The following NFKBIZ variants were observed in gnomAD, a reference collection of about 807,000 sequenced individuals.
NFKBIZ encodes the protein NFKB inhibitor zeta, also known as NF-kappa-B inhibitor zeta.
A neutral mutation model predicts 76.8 loss-of-function variants in NFKBIZ; 19 were observed. The observed-to-expected ratio is 0.25, with a 90% CI of 0.17 to 0.36. The LOEUF is 0.36. Ranked by LOEUF, NFKBIZ falls within the 10% of genes least tolerant of loss-of-function variation. The pLI is 1.00. For synonymous variants in NFKBIZ, 368 were observed against 354.8 expected (o/e 1.04, Z -0.42); for missense variants, 829 against 910.9 (o/e 0.91, Z 1.16).
At chr3:101,853,928 T>C in intron 5 of NFKBIZ, 65 bp downstream of exon 5, 1 of 1,491,304 alleles carries the variant, frequency 6.7e-7, no homozygotes. Context: ...AGTGAGCATA[T>C]AATTTTTCTA....
intron 1 of NFKBIZ, 60 bp from the exon 2 acceptor site, chr3:101,852,025 T>C: frequency 2.5e-6 from 4 of 1,577,608 alleles, no homozygotes; most frequent in Admixed American, 1.9e-5. Flanking sequence ...TTTGGGATTA[T>C]TAACGTTTAT....
intron 2 of NFKBIZ, among the ~76,000 whole-genome samples, chr3:101,840,019 A>G (rs1265857340): frequency 6.6e-6 from 1 of 151,772 alleles, no homozygotes; most frequent in Non-Finnish European, 1.5e-5. Context: ...AAAAGGAGGG[A>G]GAAAGGGGAG....
chr3:101,850,178 G>C, intron 1 of NFKBIZ: 2 of 387,520 alleles, frequency 5.2e-6, no homozygotes, highest in Non-Finnish European at 4.6e-6. Context: ...TCTGACTGCC[G>C]GGCGAGTGAC....
chr3:101,853,723 G>A lies in NFKBIZ; in HGVS notation c.1197G>A (p.Leu399=). The A allele has an allele frequency of 6.2e-7, 1 of 1,614,204 alleles. No individual in the cohort carries two copies. Among genetic ancestry groups the A allele is most frequent in the African/African-American group, 1.3e-5 (1 of 75,050 alleles). ...CCTCTGACTCTTCAAACACTTCACT[G>A]CCATTCTCAAACATGGGAAATCCAA... The part of the protein sequence containing the change: ...EMASDSSNTS[L]PFSNMGNPMN... Residue 399 remains leucine (L), a synonymous_variant, in exon 5 of 12, where the codon CTG becomes CTA. Coordinates refer to ENST00000326172, the MANE Select transcript of NFKBIZ (RefSeq NM_031419.4).
At position 101,857,145 on chromosome 3, in the gene NFKBIZ, T is replaced by G. The variant is rs1383902063; in HGVS notation, c.1897T>G (p.Leu633Val). ...EANLELIRLF[L>V]ELPSCLSFVN... The stretch of plus-strand genomic sequence containing the variant: ...AAATCTGGAACTCATTCGCCTCTTT[T>G]TGGAGCTGCCCAGTTGCCTGTCTTT... The change falls in exon 10 of 12, where the codon TTG becomes GTG. Residue 633 changes from leucine to valine, a missense_variant. Coordinates refer to ENST00000326172, the MANE Select transcript of NFKBIZ (RefSeq NM_031419.4). The G allele has an allele frequency of 1.9e-6, 3 of 1,614,244 alleles. No individual in the cohort carries two copies. The highest frequency in any genetic ancestry group is 3.3e-4 in the Middle Eastern group (2 of 6,062).
At chr3:101,857,269 A>T (rs1452289536) in intron 10 of NFKBIZ, 23 bp from the exon 11 acceptor site, 1 of 1,613,740 alleles carries the variant, frequency 6.2e-7, no homozygotes, top group Non-Finnish European at 8.5e-7. Context: ...CTGATGTCTG[A>T]TAATTCATTT....
Position 101,853,244 on chromosome 3 carries a change from C to G in NFKBIZ, c.718C>G (p.Leu240Val), listed in dbSNP as rs751822800. The change falls in exon 5 of 12, where the codon CTG becomes GTG. Residue 240 changes from leucine (L) to valine (V), a missense_variant. Physicochemically the swap from Leu to Val is conservative, Grantham distance 32 (BLOSUM62 1). This residue lies in a region of NFKBIZ where 371 missense variants were observed against 332.3 expected (regional missense o/e 1.12). Coordinates refer to ENST00000326172, the MANE Select transcript of NFKBIZ (RefSeq NM_031419.4). ...CCTGAACACAGTTCAAGTTAGCTGGCTGAACCCCGTGGTGGTCCCTCAGAG... is the reference window on the plus strand; with the variant it reads ...CCTGAACACAGTTCAAGTTAGCTGGGTGAACCCCGTGGTGGTCCCTCAGAG... ...VSLNTVQVSWLNPVVVPQSSP... is the reference protein window; with the variant it reads ...VSLNTVQVSWVNPVVVPQSSP... The G allele has an allele frequency of 6.2e-7, 1 of 1,614,148 alleles. No individual in the cohort carries two copies. The highest frequency in any genetic ancestry group is 1.1e-5 in the South Asian group (1 of 91,080).
rs770690936 is a variant in NFKBIZ, at chr3:101,857,253, C to G, written c.1936-39C>G. 38 of 1,612,198 alleles carry G rather than the reference C, an allele frequency of 2.4e-5. 2 individuals carry two copies. In the South Asian group the frequency reaches 3.4e-4, roughly 14 times the overall value. The stretch of plus-strand genomic sequence containing the variant: ...TTTGAGCTCCTTTCATGAAATTTCC[C>G]CCTTCCTGATGTCTGATAATTCATT... On this transcript the variant is annotated intron_variant, in intron 10 of 11. Transcript: ENST00000326172.
chr3:101,854,555 G>A lies in NFKBIZ; in HGVS notation c.1338-23G>A, dbSNP rs771716780. On this transcript the variant is annotated intron_variant, in intron 5 of 11. Transcript: ENST00000326172. ...TAGTGAAATCAGAAGTGATTCACCC[G>A]CTTTCCTTTCCATGTTCCCCAGGTT... 3.0e-5 allele frequency: 43 copies of A among 1,434,218 alleles called. No individual in the cohort carries two copies. The Middle Eastern group carries it at 5.2e-4, about 17-fold the overall frequency. The allele number at this position is 1,434,218 out of a possible 1,614,324, so 88.8% of individuals were successfully genotyped here.
In NFKBIZ at chr3:101,857,154, C is replaced by T. The variant is rs1943061151; in HGVS notation, c.1906C>T (p.Pro636Ser). 1.1e-6 allele frequency: 1 copy of T among 887,874 alleles called. No homozygotes were observed. Among genetic ancestry groups the T allele is most frequent in the Non-Finnish European group, 1.6e-6 (1 of 628,078 alleles). 55.0% of individuals were successfully genotyped at this position (887,874 alleles called of 1,614,324 possible). ...LELIRLFLEL[P>S]SCLSFVNAKA... is the part of the protein sequence containing the mutation. ...ACTCATTCGCCTCTTTTTGGAGCTG[C>T]CCAGTTGCCTGTCTTTTGTGAATGC... The change falls in exon 10 of 12, where the codon CCC (proline) becomes TCC (serine). Residue 636 changes from proline (P) to serine (S), a missense_variant. Physicochemically the swap from Pro to Ser is moderately conservative, Grantham distance 74. Coordinates refer to ENST00000326172, the MANE Select transcript of NFKBIZ (RefSeq NM_031419.4).
At position 101,849,807 on chromosome 3, in the gene NFKBIZ, C is replaced by T. The variant is rs1287787609; in HGVS notation, c.179C>T (p.Pro60Leu). Reference sequence around the variant, plus strand: ...TGCTCGGTCTTGGGCCCCTCGGCGCCCGGCTCGCCCGGCTCCGACTCCTCC... The same window carrying T: ...TGCTCGGTCTTGGGCCCCTCGGCGCTCGGCTCGCCCGGCTCCGACTCCTCC... ...ASCSVLGPSA[P>L]GSPGSDSSDF... is the part of the protein sequence containing the mutation. The change falls in exon 1 of 12, where the codon CCC becomes CTC. Residue 60 changes from proline to leucine, a missense_variant. Physicochemically the swap from Pro to Leu is moderately conservative, Grantham distance 98 (BLOSUM62 -3). Coordinates refer to ENST00000326172, the MANE Select transcript of NFKBIZ (RefSeq NM_031419.4). 1.9e-5 allele frequency: 28 copies of T among 1,470,152 alleles called. No individual in the cohort carries two copies. Among genetic ancestry groups the T allele is most frequent in the Non-Finnish European group, 2.4e-5 (27 of 1,118,294 alleles). The allele number at this position is 1,470,152 out of a possible 1,614,324, so 91.1% of individuals were successfully genotyped here.
chr3:101,853,818 A>C lies in NFKBIZ; in HGVS notation c.1292A>C (p.Asn431Thr), dbSNP rs1038828502. Residue 431 changes from asparagine to threonine, a missense_variant, in exon 5 of 12, where the codon AAT becomes ACT. Around this residue, in one of 4 missense-constraint regions of NFKBIZ, gnomAD observed 272 missense variants for 384.2 expected, o/e 0.71. Transcript: ENST00000326172. ...GAGCAGGAAGAAAGCAAATTGGCAA[A>C]TATTTCCCAAGACCAGTTTCTTTCA... The part of the protein sequence containing the change: ...QVEQEESKLA[N>T]ISQDQFLSKD... 6.2e-7 allele frequency: 1 copy of C among 1,613,514 alleles called. No homozygotes were observed. Among genetic ancestry groups the C allele is most frequent in the Non-Finnish European group, 8.5e-7 (1 of 1,180,030 alleles).
intron 5 of NFKBIZ, 143 bp downstream of exon 5, chr3:101,854,006 C>G (rs1382763290): frequency 1.2e-6 from 1 of 805,986 alleles, no homozygotes; most frequent in South Asian, 1.8e-5. Flanking sequence ...TAGAAACCGC[C>G]ACTCAGTGAT....
chr3:101,850,238 T>C, intron 1 of NFKBIZ: 1 of 281,396 alleles, frequency 3.6e-6, no homozygotes, highest in Non-Finnish European at 6.6e-6. Context: ...TCATAATTAA[T>C]AAACTATGAT....
At chr3:101,844,996 G>A (rs901935511), upstream of NFKBIZ, among the ~76,000 whole-genome samples, 1 of 152,044 alleles carries the variant, frequency 6.6e-6, no homozygotes, top group South Asian at 2.1e-4. Flanking sequence ...GGCCGGGCAC[G>A]GTGGCTCACG....
intron 6 of NFKBIZ, 135 bp from the exon 7 acceptor site, chr3:101,854,927 A>T (rs768377712): frequency 9.9e-7 from 1 of 1,010,104 alleles, no homozygotes; most frequent in Non-Finnish European, 1.4e-6. Flanking sequence ...TCCTTGTCTT[A>T]CAGTATCTGA....
At chr3:101,849,425 C>G (rs1182071949), upstream of NFKBIZ, 2 of 381,572 alleles carry the variant, frequency 5.2e-6, no homozygotes, top group Non-Finnish European at 9.1e-6. Flanking sequence ...GGGAGGCGGC[C>G]CGGGCACCGC....
chr3:101,849,936 C>T lies in NFKBIZ; in HGVS notation c.289+19C>T, dbSNP rs1191440886. ...CAGCCAGGTACCCGCCGGCCCCGCA[C>T]CGCTGCGTACTCGGGGCGCGCACGC... On this transcript the variant is annotated intron_variant, in intron 1 of 11. Coordinates refer to ENST00000326172, the MANE Select transcript of NFKBIZ (RefSeq NM_031419.4). 1.5e-6 allele frequency: 2 copies of T among 1,372,994 alleles called. No individual in the cohort carries two copies. The highest frequency in any genetic ancestry group is 1.5e-5 in the African/African-American group (1 of 65,644). 85.1% of individuals were successfully genotyped at this position (1,372,994 alleles called of 1,614,324 possible). A position where few individuals can be genotyped will look rare whatever the true frequency, so the allele number is the denominator to read the frequency against.
intron 11 of NFKBIZ, chr3:101,858,362 A>C (rs541359742): frequency 4.1e-6 from 4 of 977,036 alleles, no homozygotes; most frequent in Non-Finnish European, 4.9e-6. Context: ...AGAACTTTAC[A>C]AGTTTCAAGT....
Sources: allele counts gnomAD v4.1 joint callset (sites outside exome capture counted in the v4.1 genomes callset), GRCh38; gene constraint gnomAD v4.1.1; regional missense constraint gnomAD v4.1.1; transcripts MANE v1.5; gene names NCBI Gene and HGNC (gene_info 2026-07-23, HGNC 2026-07-21).